The following PODXL variants were observed in gnomAD, a reference collection of about 807,000 sequenced individuals.
PODXL encodes the protein podocalyxin.
A neutral mutation model predicts 48.9 loss-of-function variants in PODXL; 20 were observed. The ratio of observed to expected loss-of-function variants is 0.41; its 90% confidence interval spans 0.29 to 0.59. The LOEUF (loss-of-function observed/expected upper bound fraction) is 0.59, where lower values mean the gene tolerates loss of function less well. Among genes scored for constraint, PODXL ranks in the 20% least tolerant of loss-of-function variants. The probability of loss-of-function intolerance (pLI) is 0.31; values close to 1 mark genes in which losing one functional copy is unlikely to be tolerated. For missense variants in PODXL, 606 were observed against 675.1 expected, an observed-to-expected ratio of 0.90 and a Z score of 1.13; for synonymous variants, 295 against 287.4, an observed-to-expected ratio of 1.03 and a Z score of -0.27.
Position 131,506,589 on chromosome 7 carries a change from G to A in PODXL, c.1239C>T (p.Ile413=). The A allele has an allele frequency of 6.2e-7, 1 of 1,614,110 alleles. No homozygotes were observed. The highest frequency in any genetic ancestry group is 8.5e-7 in the Non-Finnish European group (1 of 1,180,018). ...TTGCCCTCCACTCACTGTGAATAGT[G>A]ATTTCTTTGACGACCACGGTCTGAC... ...PGSQTVVVKE[I]TIHTKLPAKD... is the part of the protein sequence containing the mutation. The change falls in exon 6 of 9, where the codon ATC becomes ATT. Residue 413 remains isoleucine, a synonymous_variant. Coordinates refer to ENST00000378555, the MANE Select transcript of PODXL (RefSeq NM_001018111.3).
chr7:131,554,863 C>G (rs146023209), intron 1 of PODXL, among the ~76,000 whole-genome samples: 79 of 152,314 alleles, frequency 5.2e-4, no homozygotes, highest in African/African-American at 1.8e-3. Context: ...AAGGAGCCAC[C>G]ATACTCTCGT....
chr7:131,518,018 T>C (rs545456974), intron 1 of PODXL, among the ~76,000 whole-genome samples: 6 of 152,232 alleles, frequency 3.9e-5, no homozygotes, highest in Non-Finnish European at 7.4e-5. Flanking sequence ...GGATTACAGG[T>C]GTGAGCCATC....
intron 2 of PODXL, 39 bp from the exon 3 acceptor site, chr7:131,510,370 G>A (rs1359922885): frequency 3.2e-6 from 1 of 311,158 alleles, no homozygotes; most frequent in Non-Finnish European, 6.2e-6. Flanking sequence ...AAATTAGCTG[G>A]TGTGCTGGTG....
chr7:131,538,601 G>A (rs1034881504), intron 1 of PODXL, among the ~76,000 whole-genome samples: 4 of 152,178 alleles, frequency 2.6e-5, no homozygotes, highest in Non-Finnish European at 4.4e-5. Context: ...GCTGAAGGCA[G>A]AGAGGTAACA....
At chr7:131,534,771 C>T (rs186166143) in intron 1 of PODXL, among the ~76,000 whole-genome samples, 36 of 152,224 alleles carry the variant, frequency 2.4e-4, no homozygotes, top group African/African-American at 6.7e-4. Context: ...TACACATGGC[C>T]GGGTGTGGTG....
intron 1 of PODXL, among the ~76,000 whole-genome samples, chr7:131,527,330 ACT>A (rs1798204227): frequency 6.6e-6 from 1 of 152,124 alleles, no homozygotes; most frequent in South Asian, 2.1e-4. Flanking sequence ...GAACAAGAAC[ACT>A]CATACGGTTC....
chr7:131,541,137 T>G (rs1398502020), intron 1 of PODXL, among the ~76,000 whole-genome samples: 4 of 152,082 alleles, frequency 2.6e-5, no homozygotes, highest in Non-Finnish European at 5.9e-5. Context: ...CATGCTGGGG[T>G]TGGAGCAGGA....
chr7:131,536,823 G>A (rs552581752), intron 1 of PODXL, among the ~76,000 whole-genome samples: 2 of 152,064 alleles, frequency 1.3e-5, no homozygotes, highest in Non-Finnish European at 2.9e-5. Context: ...AGAATTACAG[G>A]CATTTAAAAA....
chr7:131,555,501 T>C (rs933689617), intron 1 of PODXL, among the ~76,000 whole-genome samples: 1 of 152,206 alleles, frequency 6.6e-6, no homozygotes, highest in African/African-American at 2.4e-5. Flanking sequence ...GTGTCTAAAA[T>C]GCAGCCCAAT....
In PODXL at chr7:131,531,503, C is replaced by T. The variant is rs185894964; in HGVS notation, c.101-20070G>A. ...TCAGGTGAACCTTGGCCCATCTCTG[C>T]GCCTCAAGTCCTAGATCAGTTTACC... On this transcript the variant is annotated intron_variant, in intron 1 of 8. Coordinates refer to ENST00000378555, the MANE Select transcript of PODXL (RefSeq NM_001018111.3). Among the ~76,000 whole-genome samples the T allele has an allele frequency of 2.5e-3, 380 of 152,234 alleles. 2 individuals are homozygous for T. The highest frequency in any genetic ancestry group is 3.6e-3 in the Non-Finnish European group (245 of 68,004).
intron 1 of PODXL, among the ~76,000 whole-genome samples, chr7:131,516,950 G>A (rs927491769): frequency 2.6e-5 from 4 of 152,010 alleles, no homozygotes; most frequent in Admixed American, 6.6e-5. Flanking sequence ...GAACTCCTGT[G>A]CTCAAGTGAT....
intron 1 of PODXL, among the ~76,000 whole-genome samples, chr7:131,541,026 G>A (rs1243784712): frequency 5.3e-5 from 8 of 152,162 alleles, no homozygotes; most frequent in Non-Finnish European, 1.0e-4. Flanking sequence ...CTGTCCTGGC[G>A]AGAATTCTCC....
intron 1 of PODXL, among the ~76,000 whole-genome samples, chr7:131,525,946 A>G (rs1050189233): frequency 2.0e-5 from 3 of 152,224 alleles, no homozygotes; most frequent in East Asian, 1.9e-4. Context: ...TCATGTTTCA[A>G]TAGACAAATA....
intron 1 of PODXL, 26 bp from the exon 2 acceptor site, chr7:131,511,459 G>T: frequency 4.4e-6 from 7 of 1,598,440 alleles, no homozygotes; most frequent in Non-Finnish European, 5.1e-6. Flanking sequence ...ACAGAGAATG[G>T]AGTTAGGGCT....
At position 131,509,036 on chromosome 7, in the gene PODXL, A is replaced by T. The variant is rs1193813554; in HGVS notation, c.1024-8T>A. 8 of 1,610,738 alleles carry T rather than the reference A, an allele frequency of 5.0e-6. No individual in the cohort carries two copies. The highest frequency in any genetic ancestry group is 2.7e-5 in the African/African-American group (2 of 74,852). On this transcript the variant is annotated splice_region_variant and splice_polypyrimidine_tract_variant and intron_variant, in intron 4 of 8. Transcript: ENST00000378555. ...AAGATCCTCACACTTTGCCTGGAAG[A>T]AGCCACTGAGATTAAGGTTTGGGCT... is the stretch of plus-strand genomic sequence containing the variant.
At chr7:131,543,632 AATCCTGTGGGGTCTGAGTGCCC>A (rs1246483060) in intron 1 of PODXL, among the ~76,000 whole-genome samples, 2 of 152,112 alleles carry the variant, frequency 1.3e-5, no homozygotes, top group Admixed American at 6.5e-5. Context: ...GCAGCTCTCC[AATCCTGTGGGGTCTGAGTGCCC>A]ACATATACCT....
chr7:131,556,153 T>C, intron 1 of PODXL, 107 bp downstream of exon 1: 6 of 1,317,894 alleles, frequency 4.6e-6, no homozygotes, highest in Non-Finnish European at 5.8e-6. Context: ...GTGATAGGGC[T>C]GCTCGGGGTC....
intron 1 of PODXL, among the ~76,000 whole-genome samples, chr7:131,534,856 C>T (rs1798344478): frequency 6.6e-6 from 1 of 152,050 alleles, no homozygotes; most frequent in Middle Eastern, 3.2e-3. Flanking sequence ...TCAAGACCAG[C>T]CTGGAAAACA....
chr7:131,506,277 A>T lies in PODXL; in HGVS notation c.1294T>A (p.Trp432Arg). Residue 432 changes from tryptophan to arginine, a missense_variant, in exon 7 of 9, where the codon TGG becomes AGG. Physicochemically the swap from Trp to Arg is moderately radical, Grantham distance 101 (BLOSUM62 -3). Transcript: ENST00000378555. ...CCGCTTACCTCCTTTAGTTCATCCC[A>T]TTTGTCCTTCAGCCGCTCGTACACA... ...KDVYERLKDKWDELKEAGVSD... is the reference protein window; with the variant it reads ...KDVYERLKDKRDELKEAGVSD... The T allele has an allele frequency of 1.2e-6, 2 of 1,613,968 alleles. No individual in the cohort carries two copies. Among genetic ancestry groups the T allele is most frequent in the Non-Finnish European group, 1.7e-6 (2 of 1,179,972 alleles).
Sources: allele counts gnomAD v4.1 joint callset (sites outside exome capture counted in the v4.1 genomes callset), GRCh38; gene constraint gnomAD v4.1.1; transcripts MANE v1.5; gene names NCBI Gene and HGNC (gene_info 2026-07-23, HGNC 2026-07-21).